ADAMTSL1: variants seen among roughly 807,000 people sequenced by gnomAD.
The protein encoded by ADAMTSL1 is ADAMTS-like protein 1.
In ADAMTSL1, 126 loss-of-function variants were observed where a neutral mutation model predicts 201.8. The observed-to-expected ratio is 0.62, with a 90% CI of 0.54 to 0.72. The LOEUF is 0.72. ADAMTSL1 is among the 30% of genes least tolerant of loss of function. ADAMTSL1 has a pLI of 0.00. For missense variants in ADAMTSL1, 2,679 were observed against 2,277.8 expected, an observed-to-expected ratio of 1.18 and a Z score of -3.59; for synonymous variants, 1,121 against 903.4, an observed-to-expected ratio of 1.24 and a Z score of -4.32.
intron 3 of ADAMTSL1, among the ~76,000 whole-genome samples, chr9:18,555,268 A>T (rs77419970): frequency 0.05 from 7,649 of 151,986 alleles, 279 homozygotes; most frequent in African/African-American, 0.11. Context: ...CACCACCAGA[A>T]ACTGGCAGAT....
intron 20 of ADAMTSL1, among the ~76,000 whole-genome samples, chr9:18,805,725 TG>T (rs1406474827): frequency 2.6e-5 from 4 of 152,206 alleles, no homozygotes; most frequent in African/African-American, 4.8e-5. Flanking sequence ...CGTGTGTTTT[TG>T]CTCTTCAGCC....
intron 2 of ADAMTSL1, among the ~76,000 whole-genome samples, chr9:18,196,328 T>C (rs1829179027): frequency 6.6e-6 from 1 of 152,094 alleles, no homozygotes; most frequent in African/African-American, 2.4e-5. Context: ...TGTGTGTGTG[T>C]TTATTCCTTA....
At chr9:18,882,395 G>A (rs868020992) in intron 23 of ADAMTSL1, among the ~76,000 whole-genome samples, 2 of 152,210 alleles carry the variant, frequency 1.3e-5, no homozygotes, top group Middle Eastern at 3.4e-3. Context: ...TTTCAGTCAG[G>A]CTAAAAAGCT....
At chr9:18,410,592 A>G (rs935218186) in intron 2 of ADAMTSL1, among the ~76,000 whole-genome samples, 1 of 152,206 alleles carries the variant, frequency 6.6e-6, no homozygotes, top group Middle Eastern at 3.2e-3. Context: ...TACATGGTGC[A>G]TATATACCAC....
At position 18,908,746 on chromosome 9, in the gene ADAMTSL1, G is replaced by T; in HGVS notation, c.*198G>T. 1 of 534,850 alleles carries T rather than the reference G, an allele frequency of 1.9e-6. No individual in the cohort carries two copies. The highest frequency in any genetic ancestry group is 3.4e-6 in the Non-Finnish European group (1 of 298,138). The allele number at this position is 534,850 out of a possible 1,614,324, so 33.1% of individuals were successfully genotyped here. ...TTCTCTTTCAGTTAGCTGGAGGACA[G>T]GATGTTGGGAAAGGAAAGGACAGAT... On this transcript the variant is annotated 3_prime_UTR_variant, in exon 29 of 29. Coordinates refer to ENST00000380548, the MANE Select transcript of ADAMTSL1 (RefSeq NM_001040272.6).
chr9:18,653,997 G>A (rs1218853074), intron 7 of ADAMTSL1, among the ~76,000 whole-genome samples: 1 of 152,248 alleles, frequency 6.6e-6, no homozygotes, highest in East Asian at 1.9e-4. Flanking sequence ...GGAGGCCGAG[G>A]CGGGTGGATC....
intron 20 of ADAMTSL1, among the ~76,000 whole-genome samples, chr9:18,801,570 C>T (rs1588134195): frequency 6.6e-6 from 1 of 152,152 alleles, no homozygotes; most frequent in African/African-American, 2.4e-5. Context: ...TGTTGTTCCC[C>T]CTTCTTCGTG....
chr9:18,483,524 C>G (rs554313206), intron 1 of ADAMTSL1, among the ~76,000 whole-genome samples: 81 of 152,280 alleles, frequency 5.3e-4, no homozygotes, highest in Middle Eastern at 3.4e-3. Flanking sequence ...GCAAAACAAT[C>G]TTGAGTTAAA....
chr9:18,122,796 T>A (rs1042191669), intron 1 of ADAMTSL1, among the ~76,000 whole-genome samples: 2 of 152,116 alleles, frequency 1.3e-5, no homozygotes, highest in South Asian at 4.1e-4. Context: ...TTTTGTTTTT[T>A]TGGGGACTAG....
intron 25 of ADAMTSL1, 95 bp downstream of exon 25, chr9:18,889,843 A>T: frequency 8.1e-7 from 1 of 1,239,874 alleles, no homozygotes; most frequent in Middle Eastern, 2.9e-4. Context: ...AGCACTGTGC[A>T]GGGAGAGATG....
chr9:18,178,175 T>C (rs10963499), intron 2 of ADAMTSL1, among the ~76,000 whole-genome samples: 52,790 of 152,048 alleles, frequency 0.35, 9,317 homozygotes, highest in Admixed American at 0.41. Flanking sequence ...GAGCGCACTG[T>C]GCGCGAGCCG....
intron 1 of ADAMTSL1, among the ~76,000 whole-genome samples, chr9:17,963,149 C>A (rs1377583841): frequency 2.6e-5 from 4 of 152,142 alleles, no homozygotes; most frequent in African/African-American, 4.8e-5. Context: ...ATATCTAGCT[C>A]CCTTTCTGAG....
intron 1 of ADAMTSL1, among the ~76,000 whole-genome samples, chr9:18,070,836 C>G (rs186681599): frequency 3.7e-4 from 56 of 152,266 alleles, no homozygotes; most frequent in African/African-American, 1.3e-3. Flanking sequence ...GGACTGCACA[C>G]TCATCCCCAC....
chr9:18,140,160 G>A (rs1321224032), intron 1 of ADAMTSL1, among the ~76,000 whole-genome samples: 1 of 152,106 alleles, frequency 6.6e-6, no homozygotes, highest in African/African-American at 2.4e-5. Context: ...ACCCATAATA[G>A]GGAAGTTAGA....
chr9:18,606,819 A>G (rs1825048412), intron 4 of ADAMTSL1, among the ~76,000 whole-genome samples: 1 of 152,170 alleles, frequency 6.6e-6, no homozygotes, highest in Admixed American at 6.5e-5. Flanking sequence ...GGTAAGTGAG[A>G]ACCATCCGCT....
At chr9:18,388,715 T>A (rs1313967018) in intron 2 of ADAMTSL1, among the ~76,000 whole-genome samples, 2 of 150,838 alleles carry the variant, frequency 1.3e-5, no homozygotes, top group African/African-American at 4.9e-5. Flanking sequence ...GTATTCTATT[T>A]CGATTTTTTG....
chr9:18,327,992 A>T, intron 2 of ADAMTSL1, among the ~76,000 whole-genome samples: 1 of 152,192 alleles, frequency 6.6e-6, no homozygotes, highest in East Asian at 1.9e-4. Flanking sequence ...ACTCTATTGT[A>T]AGAAAAAGAA....
intron 23 of ADAMTSL1, among the ~76,000 whole-genome samples, chr9:18,862,512 T>C (rs1032080630): frequency 2.6e-5 from 4 of 152,220 alleles, no homozygotes; most frequent in Non-Finnish European, 5.9e-5. Context: ...ACCTTGATTA[T>C]AGAGCGCTTC....
At position 18,057,793 on chromosome 9, in the gene ADAMTSL1, C is replaced by T. The variant is rs1563974532; in HGVS notation, c.88-106069C>T. On this transcript the variant is annotated intron_variant, in intron 1 of 29. Coordinates refer to the ADAMTSL1 transcript ENST00000680146. ...TGCCAATAATGAGCTTCCTAGCACT[C>T]GTCTGGCTAATTCTTACTCATTCTT... Among the ~76,000 whole-genome samples the T allele has an allele frequency of 3.3e-5, 5 of 152,316 alleles. No individual in the cohort carries two copies. In the South Asian group the frequency reaches 1.0e-3, roughly 32 times the overall value.
Sources: gnomAD v4.1 joint callset for allele counts (sites outside exome capture counted in the v4.1 genomes callset) on GRCh38, gnomAD v4.1.1 for gene constraint, MANE v1.5 for transcripts, NCBI Gene and HGNC (gene_info 2026-07-23, HGNC 2026-07-21) for gene names.